ROBO2: variants seen among roughly 807,000 people sequenced by gnomAD.
The protein encoded by ROBO2 is roundabout homolog 2.
ROBO2 carries 53 observed loss-of-function variants against 160.8 expected under a neutral mutation model. That is an observed-to-expected ratio of 0.33 (90% CI 0.26 to 0.41). The LOEUF (loss-of-function observed/expected upper bound fraction) is 0.41. Among genes scored for constraint, ROBO2 ranks in the 10% least tolerant of loss-of-function variants. ROBO2 has a pLI of 1.00. For synonymous variants in ROBO2, 664 were observed against 611.7 expected, an observed-to-expected ratio of 1.09 and a Z score of -1.26; for missense variants, 1,577 against 1,722.4, an observed-to-expected ratio of 0.92 and a Z score of 1.49.
chr3:77,206,488 G>C (rs530421178), intron 2 of ROBO2, among the ~76,000 whole-genome samples: 1 of 152,022 alleles, frequency 6.6e-6, no homozygotes, highest in South Asian at 2.1e-4. Context: ...TAAGACTCCA[G>C]TCTTATTGTA....
At chr3:77,061,759 C>T (rs1193226532) in intron 1 of ROBO2, among the ~76,000 whole-genome samples, 1 of 152,136 alleles carries the variant, frequency 6.6e-6, no homozygotes, top group Non-Finnish European at 1.5e-5. Flanking sequence ...TTGGTCCTGT[C>T]AACATGTCTT....
intron 2 of ROBO2, among the ~76,000 whole-genome samples, chr3:76,569,021 T>G (rs1209319670): frequency 1.3e-5 from 2 of 152,222 alleles, no homozygotes; most frequent in African/African-American, 2.4e-5. Flanking sequence ...TAGATATCGA[T>G]TATTCAATGA....
chr3:77,427,452 T>C (rs1038464321), intron 2 of ROBO2, among the ~76,000 whole-genome samples: 1 of 152,188 alleles, frequency 6.6e-6, no homozygotes, highest in African/African-American at 2.4e-5. Context: ...AGTTCACGTA[T>C]CTCATAAGTG....
At chr3:76,755,651 G>A (rs1211210156) in intron 2 of ROBO2, among the ~76,000 whole-genome samples, 4 of 151,668 alleles carry the variant, frequency 2.6e-5, no homozygotes, top group Admixed American at 6.6e-5. Flanking sequence ...TTGTTGTAAT[G>A]GACAATATCT....
intron 2 of ROBO2, among the ~76,000 whole-genome samples, chr3:76,980,428 C>T (rs1291945147): frequency 6.6e-6 from 1 of 152,064 alleles, no homozygotes; most frequent in East Asian, 1.9e-4. Context: ...TTCCATCTTC[C>T]CCTTTAATTT....
chr3:76,950,973 C>T (rs1413289139), intron 2 of ROBO2, among the ~76,000 whole-genome samples: 1 of 152,148 alleles, frequency 6.6e-6, no homozygotes, highest in East Asian at 1.9e-4. Flanking sequence ...AGCAATTCTC[C>T]CTCCTTGGCC....
At chr3:76,945,035 C>T (rs985030149) in intron 2 of ROBO2, among the ~76,000 whole-genome samples, 5 of 151,806 alleles carry the variant, frequency 3.3e-5, no homozygotes, top group African/African-American at 1.2e-4. Context: ...ACTACAGGCG[C>T]CCGCCACCAC....
chr3:76,326,356 A>AT (rs895785784), intron 2 of ROBO2, among the ~76,000 whole-genome samples: 6 of 151,762 alleles, frequency 4.0e-5, no homozygotes, highest in Admixed American at 3.3e-4. Flanking sequence ...CCTGTCCAGT[A>AT]TTTTTTTTGA....
chr3:77,223,912 A>G (rs1163121042), intron 2 of ROBO2, among the ~76,000 whole-genome samples: 1 of 152,022 alleles, frequency 6.6e-6, no homozygotes, highest in African/African-American at 2.4e-5. Flanking sequence ...TGCATTATCC[A>G]TAATAGTTCA....
intron 2 of ROBO2, among the ~76,000 whole-genome samples, chr3:77,309,090 G>A (rs1342614012): frequency 7.3e-6 from 1 of 137,240 alleles, no homozygotes. Context: ...GCTTTATTTT[G>A]TTTTGTTTTA....
intron 2 of ROBO2, among the ~76,000 whole-genome samples, chr3:76,857,175 C>A (rs1285864852): frequency 6.6e-6 from 1 of 151,920 alleles, no homozygotes; most frequent in Non-Finnish European, 1.5e-5. Flanking sequence ...TTAGTAGAGA[C>A]GGGGTTTCAC....
intron 2 of ROBO2, among the ~76,000 whole-genome samples, chr3:77,344,807 G>A (rs2153453741): frequency 6.6e-6 from 1 of 152,174 alleles, no homozygotes; most frequent in Non-Finnish European, 1.5e-5. Flanking sequence ...CTCATTTTAT[G>A]TACCTTTGAA....
At chr3:76,848,398 A>G (rs1410253670) in intron 2 of ROBO2, among the ~76,000 whole-genome samples, 2 of 152,102 alleles carry the variant, frequency 1.3e-5, no homozygotes, top group Non-Finnish European at 2.9e-5. Context: ...AGGATGATGG[A>G]CTTCAAGCTA....
At chr3:76,816,615 A>C (rs1040726943) in intron 2 of ROBO2, among the ~76,000 whole-genome samples, 1 of 152,008 alleles carries the variant, frequency 6.6e-6, no homozygotes, top group Non-Finnish European at 1.5e-5. Context: ...CCTATTAAAA[A>C]CAACTCAGAG....
intron 2 of ROBO2, among the ~76,000 whole-genome samples, chr3:76,922,521 T>G (rs2076733099): frequency 6.6e-6 from 1 of 152,312 alleles, no homozygotes; most frequent in Non-Finnish European, 1.5e-5. Flanking sequence ...TTTTTGTTCC[T>G]TAAGCAGAAG....
chr3:76,597,176 C>T (rs2086788445), intron 2 of ROBO2, among the ~76,000 whole-genome samples: 1 of 151,846 alleles, frequency 6.6e-6, no homozygotes, highest in Non-Finnish European at 1.5e-5. Context: ...TTAGGAAAAA[C>T]AAATTGTAAT....
intron 2 of ROBO2, among the ~76,000 whole-genome samples, chr3:76,685,000 A>G (rs913394157): frequency 4.8e-4 from 73 of 151,680 alleles, no homozygotes; most frequent in African/African-American, 1.6e-3. Flanking sequence ...TCCACCACCC[A>G]TGGAAAGGAA....
intron 2 of ROBO2, among the ~76,000 whole-genome samples, chr3:76,231,075 A>G (rs1419275508): frequency 6.6e-6 from 1 of 152,144 alleles, no homozygotes; most frequent in Non-Finnish European, 1.5e-5. Flanking sequence ...TTTCAGACTT[A>G]CTGCTTTCAG....
intron 2 of ROBO2, among the ~76,000 whole-genome samples, chr3:76,816,855 G>A (rs952676826): frequency 6.6e-6 from 1 of 152,006 alleles, no homozygotes; most frequent in South Asian, 2.1e-4. Context: ...AAAAAGAAAT[G>A]TGGCACATAT....
Sources: gnomAD v4.1 joint callset for allele counts (sites outside exome capture counted in the v4.1 genomes callset) on GRCh38, gnomAD v4.1.1 for gene constraint, MANE v1.5 for transcripts, NCBI Gene and HGNC (gene_info 2026-07-23, HGNC 2026-07-21) for gene names.